Variants in DACH1 observed in about 807,000 individuals in gnomAD.
DACH1 encodes the protein dachshund family transcription factor 1.
Under a neutral mutation model 54.2 loss-of-function variants are expected in DACH1, and 12 were observed. That is an observed-to-expected ratio of 0.22 (90% CI 0.14 to 0.36). DACH1 has a LOEUF of 0.36. DACH1 is among the 10% of genes least tolerant of loss of function. DACH1 has a pLI of 1.00. For synonymous variants in DACH1, 386 were observed against 366.2 expected (o/e 1.05, Z -0.62); for missense variants, 805 against 929.8 (o/e 0.87, Z 1.75).
intron 6 of DACH1, among the ~76,000 whole-genome samples, chr13:71,541,541 G>T (rs908047683): frequency 1.3e-5 from 2 of 151,974 alleles, no homozygotes; most frequent in African/African-American, 4.8e-5. Context: ...TTCTTTACAA[G>T]AAGCACACTG....
intron 1 of DACH1, among the ~76,000 whole-genome samples, chr13:71,821,641 T>G (rs1007930955): frequency 6.6e-6 from 1 of 152,174 alleles, no homozygotes; most frequent in African/African-American, 2.4e-5. Context: ...AGAGTACAGT[T>G]CTATTTTTTA....
chr13:71,508,607 C>T (rs1880515393), intron 6 of DACH1, among the ~76,000 whole-genome samples: 1 of 151,942 alleles, frequency 6.6e-6, no homozygotes, highest in Non-Finnish European at 1.5e-5. Context: ...GCTGGGACTA[C>T]AGGCATACAC....
At chr13:71,801,430 A>C (rs1001807203) in intron 1 of DACH1, among the ~76,000 whole-genome samples, 5 of 152,114 alleles carry the variant, frequency 3.3e-5, no homozygotes, top group Admixed American at 6.6e-5. Context: ...TTAGTATTTT[A>C]TACCTCTGCT....
intron 1 of DACH1, among the ~76,000 whole-genome samples, chr13:71,843,489 T>C (rs2138241945): frequency 6.6e-6 from 1 of 152,240 alleles, no homozygotes; most frequent in Non-Finnish European, 1.5e-5. Flanking sequence ...GGTCTTGAAC[T>C]CCAGGGCTCA....
chr13:71,609,390 T>A (rs1053870106), intron 3 of DACH1, among the ~76,000 whole-genome samples: 1 of 152,184 alleles, frequency 6.6e-6, no homozygotes, highest in Non-Finnish European at 1.5e-5. Flanking sequence ...GAATATATGT[T>A]GATGTTTTCC....
At chr13:71,460,931 AT>A (rs1385837959) in intron 10 of DACH1, among the ~76,000 whole-genome samples, 1 of 152,042 alleles carries the variant, frequency 6.6e-6, no homozygotes, top group Non-Finnish European at 1.5e-5. Flanking sequence ...CTGTGACTTT[AT>A]TCCATTAACA....
At chr13:71,704,960 A>T (rs1289088858) in intron 1 of DACH1, among the ~76,000 whole-genome samples, 7 of 152,184 alleles carry the variant, frequency 4.6e-5, no homozygotes, top group East Asian at 1.9e-4. Context: ...TAAAATAATT[A>T]AAAAAATAAA....
At chr13:71,667,835 C>T (rs1879941802) in intron 2 of DACH1, among the ~76,000 whole-genome samples, 1 of 151,950 alleles carries the variant, frequency 6.6e-6, no homozygotes, top group Non-Finnish European at 1.5e-5. Flanking sequence ...TATTGTAACA[C>T]TAAGGGATTA....
intron 3 of DACH1, among the ~76,000 whole-genome samples, chr13:71,617,033 C>T (rs914478792): frequency 3.9e-5 from 6 of 151,978 alleles, no homozygotes; most frequent in African/African-American, 7.2e-5. Context: ...AGGTGCCCAC[C>T]ATCACGCCCG....
At chr13:71,495,902 T>C (rs1330194015) in intron 6 of DACH1, among the ~76,000 whole-genome samples, 1 of 152,048 alleles carries the variant, frequency 6.6e-6, no homozygotes, top group African/African-American at 2.4e-5. Flanking sequence ...AAATATAAAA[T>C]CAACCTAAGT....
In DACH1 at chr13:71,440,496, T is replaced by TTC. The variant is rs1873916298; in HGVS notation, c.*158_*159insGA. 3 of 583,894 alleles carry TTC rather than the reference T, an allele frequency of 5.1e-6. No homozygotes were observed. The highest frequency in any genetic ancestry group is 8.8e-6 in the Non-Finnish European group (3 of 340,660). 36.2% of individuals were successfully genotyped at this position (583,894 alleles called of 1,614,324 possible). A position where few individuals can be genotyped will look rare whatever the true frequency, so the allele number is the denominator to read the frequency against. On this transcript the variant is annotated 3_prime_UTR_variant, in exon 11 of 11. Coordinates refer to ENST00000613252, the MANE Select transcript of DACH1 (RefSeq NM_080759.6). ...AGGTGAAAATCAATGGAGAAAACTT[T>TTC]TTTTTTTTTTGTAGAATACTTAAAC...
At chr13:71,684,645 A>C (rs1413886939) in intron 1 of DACH1, among the ~76,000 whole-genome samples, 3 of 152,068 alleles carry the variant, frequency 2.0e-5, no homozygotes, top group Non-Finnish European at 4.4e-5. Context: ...GGGAACCTAT[A>C]ATTCTTCCTG....
At chr13:71,599,854 C>CACAT (rs397688719) in intron 3 of DACH1, among the ~76,000 whole-genome samples, 218 of 151,210 alleles carry the variant, frequency 1.4e-3, no homozygotes, top group African/African-American at 4.8e-3. Context: ...CACACACACA[C>CACAT]GCACACACAT....
intron 3 of DACH1, among the ~76,000 whole-genome samples, chr13:71,610,896 C>A (rs571644183): frequency 1.2e-4 from 19 of 152,232 alleles, no homozygotes; most frequent in Non-Finnish European, 2.5e-4. Context: ...ATATTTTATA[C>A]GGGCTAATGT....
At chr13:71,824,214 A>G (rs896219007) in intron 1 of DACH1, among the ~76,000 whole-genome samples, 2 of 151,934 alleles carry the variant, frequency 1.3e-5, no homozygotes, top group Non-Finnish European at 2.9e-5. Flanking sequence ...CTACGTAATA[A>G]CTATGAACAT....
intron 2 of DACH1, among the ~76,000 whole-genome samples, chr13:71,673,844 T>A (rs553444148): frequency 4.4e-4 from 67 of 152,302 alleles, no homozygotes; most frequent in African/African-American, 1.6e-3. Context: ...GAGATTTAAA[T>A]TCCATCAATT....
intron 1 of DACH1, among the ~76,000 whole-genome samples, chr13:71,790,232 A>G (rs971726808): frequency 1.8e-4 from 27 of 152,152 alleles, no homozygotes; most frequent in African/African-American, 6.5e-4. Flanking sequence ...TACAGTGCAA[A>G]AGAAAAACAA....
chr13:71,823,924 T>C (rs1281379738), intron 1 of DACH1, among the ~76,000 whole-genome samples: 2 of 152,018 alleles, frequency 1.3e-5, no homozygotes, highest in African/African-American at 4.8e-5. Context: ...TCAGAAATTA[T>C]ATCAAACACT....
chr13:71,607,393 C>T (rs1008844482), intron 3 of DACH1, among the ~76,000 whole-genome samples: 8 of 151,888 alleles, frequency 5.3e-5, no homozygotes, highest in Admixed American at 3.9e-4. Context: ...TGTACAGGTA[C>T]TAAGCCATGT....
Sources: gnomAD v4.1 joint callset for allele counts (sites outside exome capture counted in the v4.1 genomes callset) on GRCh38, gnomAD v4.1.1 for gene constraint, MANE v1.5 for transcripts, NCBI Gene and HGNC (gene_info 2026-07-23, HGNC 2026-07-21) for gene names.